FOXF1: variants seen among roughly 807,000 people sequenced by gnomAD.
FOXF1 encodes forkhead box protein F1.
FOXF1 carries 9 observed loss-of-function variants against 26.6 expected under a neutral mutation model. That is an observed-to-expected ratio of 0.34 (90% confidence interval 0.20 to 0.59). The LOEUF (loss-of-function observed/expected upper bound fraction) is 0.59, where lower values mean the gene tolerates loss of function less well. Among genes scored for constraint, FOXF1 ranks in the 20% least tolerant of loss-of-function variants. The pLI, the probability that FOXF1 is intolerant of heterozygous loss-of-function variation, is 0.83. For synonymous variants in FOXF1, 330 were observed against 257.7 expected, an observed-to-expected ratio of 1.28 and a Z score of -2.69; for missense variants, 499 against 549.9, an observed-to-expected ratio of 0.91 and a Z score of 0.93.
chr16:86,511,532 C>T lies in FOXF1; in HGVS notation c.963C>T (p.Ala321=). 1.9e-6 allele frequency: 3 copies of T among 1,587,578 alleles called. No individual in the cohort carries two copies. Among genetic ancestry groups the T allele is most frequent in the Non-Finnish European group, 2.6e-6 (3 of 1,175,152 alleles). The change falls in exon 1 of 2, where the codon GCC becomes GCT. Residue 321 remains alanine, a synonymous_variant. Coordinates refer to ENST00000262426, the MANE Select transcript of FOXF1 (RefSeq NM_001451.3). ...QPYLHQNSHN[A]PAELQGIPRY... ...ATCTGCACCAGAACAGCCACAACGC[C>T]CCAGCCGAGCTGCAAGGTGAGTGGG...
Position 86,511,405 on chromosome 16 carries a change from A to C in FOXF1, c.836A>C (p.Asn279Thr). 6.3e-7 allele frequency: 1 copy of C among 1,591,678 alleles called. No homozygotes were observed. Among genetic ancestry groups the C allele is most frequent in the Non-Finnish European group, 8.5e-7 (1 of 1,176,942 alleles). ...CCGCCCTCGGCGTCCGCGGCGCTCA[A>C]CAGCGGCGCCTCTTATATCAAGCAG... ...AWPPSASAAL[N>T]SGASYIKQQP... is the part of the protein sequence containing the mutation. The change falls in exon 1 of 2, where the codon AAC (asparagine) becomes ACC (threonine). Residue 279 changes from asparagine to threonine, a missense_variant. Asn to Thr is a moderately conservative substitution (Grantham distance 65). This residue lies in a region of FOXF1 where 367 missense variants were observed against 324.8 expected (regional missense o/e 1.13). Coordinates refer to ENST00000262426, the MANE Select transcript of FOXF1 (RefSeq NM_001451.3).
In FOXF1 at chr16:86,510,953, C is replaced by A; in HGVS notation, c.384C>A (p.Ser128Arg). ...KGHYWTIDPA[S>R]EFMFEEGSFR... ...ACTACTGGACCATCGACCCGGCCAG[C>A]GAGTTCATGTTCGAGGAGGGCTCCT... Residue 128 changes from serine to arginine, a missense_variant, in exon 1 of 2, where the codon AGC (serine) becomes AGA (arginine). Transcript: ENST00000262426. 2 of 1,613,756 alleles carry A rather than the reference C, an allele frequency of 1.2e-6. No homozygotes were observed. The highest frequency in any genetic ancestry group is 1.7e-6 in the Non-Finnish European group (2 of 1,180,010).
chr16:86,513,553 T>TA lies in FOXF1; in HGVS notation c.*468_*469insA, dbSNP rs888228469. 9.8e-5 allele frequency: 16 copies of TA among 163,326 alleles called. 1 individual carries two copies. Among genetic ancestry groups the TA allele is most frequent in the East Asian group, 3.5e-4 (2 of 5,764 alleles). The allele number at this position is 163,326 out of a possible 1,614,324, so 10.1% of individuals were successfully genotyped here. A position where few individuals can be genotyped will look rare whatever the true frequency, so the allele number is the denominator to read the frequency against. ...ATTTATCTTTTTATTTTTTATTTTT[T>TA]TTTTGAAAGAATGTCTTGGAATGCG... On this transcript the variant is annotated 3_prime_UTR_variant, in exon 2 of 2. Transcript: ENST00000262426.
rs1969614699 is a variant in FOXF1, at chr16:86,514,331, T to C, written c.*1246T>C. 1 of 152,054 alleles carries C rather than the reference T, an allele frequency of 6.6e-6. No individual in the cohort carries two copies. Among genetic ancestry groups the C allele is most frequent in the African/African-American group, 2.4e-5 (1 of 41,424 alleles). 9.4% of individuals were successfully genotyped at this position (152,054 alleles called of 1,614,324 possible). A position where few individuals can be genotyped will look rare whatever the true frequency, so the allele number is the denominator to read the frequency against. ...ATTTGAAATTTCCTTCTGCACTGTATAAAAGGACCATTTGAGGATGTTTTG... is the reference window on the plus strand; with the variant it reads ...ATTTGAAATTTCCTTCTGCACTGTACAAAAGGACCATTTGAGGATGTTTTG... On this transcript the variant is annotated 3_prime_UTR_variant, in exon 2 of 2. Coordinates refer to ENST00000262426, the MANE Select transcript of FOXF1 (RefSeq NM_001451.3).
chr16:86,513,430 C>T lies in FOXF1; in HGVS notation c.*345C>T. 1 of 298,894 alleles carries T rather than the reference C, an allele frequency of 3.3e-6. No individual in the cohort carries two copies. The highest frequency in any genetic ancestry group is 6.2e-6 in the Non-Finnish European group (1 of 160,050). 18.5% of individuals were successfully genotyped at this position (298,894 alleles called of 1,614,324 possible). ...CACAGGAATTCTGCTGAGGTCCCCC[C>T]TCCTTCCGGCCAATGGCAGAAGTGG... On this transcript the variant is annotated 3_prime_UTR_variant, in exon 2 of 2. Coordinates refer to ENST00000262426, the MANE Select transcript of FOXF1 (RefSeq NM_001451.3).
At chr16:86,512,757 A>C (rs953741364) in intron 1 of FOXF1, among the ~76,000 whole-genome samples, 168 bp from the exon 2 acceptor site, 5 of 152,006 alleles carry the variant, frequency 3.3e-5, no homozygotes, top group African/African-American at 1.2e-4. Flanking sequence ...TTGGGTGCGC[A>C]GCTGGAAGGC....
rs11392376 is a variant in FOXF1 at position 86,513,394 on chromosome 16, C to CT, written c.*309_*310insT. On this transcript the variant is annotated 3_prime_UTR_variant, in exon 2 of 2. Coordinates refer to ENST00000262426, the MANE Select transcript of FOXF1 (RefSeq NM_001451.3). Reference sequence around the variant, plus strand: ...GAGACGGTGCTGTGCAGGGGAAAGCCCCCGCACCCACACAGGAATTCTGCT... The same window carrying CT: ...GAGACGGTGCTGTGCAGGGGAAAGCCTCCCGCACCCACACAGGAATTCTGCT... 151,727 of 384,598 alleles carry CT rather than the reference C, an allele frequency of 0.39. 35,442 individuals are homozygous for CT. Among genetic ancestry groups the CT allele is most frequent in the African/African-American group, 0.78 (38,436 of 49,028 alleles). The allele number at this position is 384,598 out of a possible 1,614,324, so 23.8% of individuals were successfully genotyped here. A position where few individuals can be genotyped will look rare whatever the true frequency, so the allele number is the denominator to read the frequency against.
rs1266303672 is a variant in FOXF1 at position 86,514,919 on chromosome 16, G to A, written c.*1834G>A. On this transcript the variant is annotated 3_prime_UTR_variant, in exon 2 of 2. Transcript: ENST00000262426. ...AATGAGAGTTTTACTTTGGGTTTCC[G>A]ACTTTCTTGTTCTCTTGCTGTAGCT... 2 of 151,912 alleles carry A rather than the reference G, an allele frequency of 1.3e-5. No individual in the cohort carries two copies. Among genetic ancestry groups the A allele is most frequent in the East Asian group, 1.9e-4 (1 of 5,186 alleles). 9.4% of individuals were successfully genotyped at this position (151,912 alleles called of 1,614,324 possible). A position where few individuals can be genotyped will look rare whatever the true frequency, so the allele number is the denominator to read the frequency against.
In FOXF1 at chr16:86,513,228, G is replaced by A; in HGVS notation, c.*143G>A. 2.5e-6 allele frequency: 2 copies of A among 801,644 alleles called. No individual in the cohort carries two copies. The highest frequency in any genetic ancestry group is 4.0e-6 in the Non-Finnish European group (2 of 501,128). 49.7% of individuals were successfully genotyped at this position (801,644 alleles called of 1,614,324 possible). ...CTCCCCAACCGGAGTTTTTGGCAAG[G>A]AGTCCCCAATGCAAAGACACAGCGC... On this transcript the variant is annotated 3_prime_UTR_variant, in exon 2 of 2. Transcript: ENST00000262426.
At position 86,514,855 on chromosome 16, in the gene FOXF1, C is replaced by T. The variant is rs761024334; in HGVS notation, c.*1770C>T. The T allele has an allele frequency of 7.2e-5, 11 of 151,894 alleles. No individual in the cohort carries two copies. The highest frequency in any genetic ancestry group is 8.8e-5 in the Non-Finnish European group (6 of 67,986). 9.4% of individuals were successfully genotyped at this position (151,894 alleles called of 1,614,324 possible). Reference sequence around the variant, plus strand: ...TATATGTACATATATGTATACGTGTCCATGTACATAATATATATTTTTTTG... The same window carrying T: ...TATATGTACATATATGTATACGTGTTCATGTACATAATATATATTTTTTTG... On this transcript the variant is annotated 3_prime_UTR_variant, in exon 2 of 2. Transcript: ENST00000262426.
intron 1 of FOXF1, 22 bp downstream of exon 1, chr16:86,511,570 G>A (rs1307138266): frequency 6.4e-7 from 1 of 1,568,308 alleles, no homozygotes; most frequent in Non-Finnish European, 8.6e-7. Flanking sequence ...GGCCGAGGGC[G>A]CCCTGGTCCC....
chr16:86,513,168 G>C lies in FOXF1; in HGVS notation c.*83G>C. The C allele has an allele frequency of 3.4e-6, 5 of 1,465,828 alleles. No individual in the cohort carries two copies. The highest frequency in any genetic ancestry group is 4.7e-6 in the Non-Finnish European group (5 of 1,066,716). 90.8% of individuals were successfully genotyped at this position (1,465,828 alleles called of 1,614,324 possible). ...GCACAAGAAACTGCTTTCTTCTCGA[G>C]GTATAACCGTCGGCAGAAGAAAAGG... On this transcript the variant is annotated 3_prime_UTR_variant, in exon 2 of 2. Coordinates refer to ENST00000262426, the MANE Select transcript of FOXF1 (RefSeq NM_001451.3).
rs773371798 is a variant in FOXF1, at chr16:86,513,974, G to A, written c.*889G>A. On this transcript the variant is annotated 3_prime_UTR_variant, in exon 2 of 2. Coordinates refer to ENST00000262426, the MANE Select transcript of FOXF1 (RefSeq NM_001451.3). ...GACTAGGACGGCCCGGTGACCGCGC[G>A]GATTCAGGATTGCGGGGACGCAGAA... 11 of 152,254 alleles carry A rather than the reference G, an allele frequency of 7.2e-5. No individual in the cohort carries two copies. The highest frequency in any genetic ancestry group is 2.1e-4 in the South Asian group (1 of 4,832). 9.4% of individuals were successfully genotyped at this position (152,254 alleles called of 1,614,324 possible).
rs888897291 is a variant in FOXF1 at position 86,514,073 on chromosome 16, A to G, written c.*988A>G. The G allele has an allele frequency of 6.6e-6, 1 of 152,184 alleles. No individual in the cohort carries two copies. Among genetic ancestry groups the G allele is most frequent in the African/African-American group, 2.4e-5 (1 of 41,438 alleles). The allele number at this position is 152,184 out of a possible 1,614,324, so 9.4% of individuals were successfully genotyped here. On this transcript the variant is annotated 3_prime_UTR_variant, in exon 2 of 2. Coordinates refer to ENST00000262426, the MANE Select transcript of FOXF1 (RefSeq NM_001451.3). The stretch of plus-strand genomic sequence containing the variant: ...CTACTTTCTTTCCCTAATAATCAAA[A>G]CACCGCGTAGGCTCCTCCGTTTATC...
At position 86,511,234 on chromosome 16, in the gene FOXF1, A is replaced by G; in HGVS notation, c.665A>G (p.His222Arg). 2 of 1,530,394 alleles carry G rather than the reference A, an allele frequency of 1.3e-6. No homozygotes were observed. The highest frequency in any genetic ancestry group is 1.2e-5 in the South Asian group (1 of 83,794). The allele number at this position is 1,530,394 out of a possible 1,614,324, so 94.8% of individuals were successfully genotyped here. Residue 222 changes from histidine (H) to arginine (R), a missense_variant, in exon 1 of 2, where the codon CAC becomes CGC. By Grantham distance (29) the His-to-Arg change is conservative. Coordinates refer to ENST00000262426, the MANE Select transcript of FOXF1 (RefSeq NM_001451.3). ...CCCCACCTGCCTTCCAACGGCGGCC[A>G]CTCGTACATGGGCGGCTGCGGCGGC... ...SVPHLPSNGG[H>R]SYMGGCGGAA...
chr16:86,512,949 C>CGCCCA lies in FOXF1; in HGVS notation c.1007_1011dup (p.Met338ProfsTer43). 2.5e-6 allele frequency: 4 copies of CGCCCA among 1,614,164 alleles called. No individual in the cohort carries two copies. Among genetic ancestry groups the CGCCCA allele is most frequent in the Non-Finnish European group, 3.4e-6 (4 of 1,180,046 alleles). ...GGCATCCCGCGGTATCACTCGCAGT[C>CGCCCA]GCCCAGCATGTGTGACCGAAAGGAG... On this transcript the variant is annotated frameshift_variant, in exon 2 of 2. Coordinates refer to ENST00000262426, the MANE Select transcript of FOXF1 (RefSeq NM_001451.3). LOFTEE classifies it high-confidence loss of function.
rs1243175466 is a variant in FOXF1, at chr16:86,514,825, A to G, written c.*1740A>G. On this transcript the variant is annotated 3_prime_UTR_variant, in exon 2 of 2. Transcript: ENST00000262426. ...CATATGGATATACATATATATGTAT[A>G]TACATATATGTACATATATGTATAC... 6.6e-6 allele frequency: 1 copy of G among 151,404 alleles called. No individual in the cohort carries two copies. The highest frequency in any genetic ancestry group is 1.5e-5 in the Non-Finnish European group (1 of 67,626). The allele number at this position is 151,404 out of a possible 1,614,324, so 9.4% of individuals were successfully genotyped here.
chr16:86,511,707 C>T (rs892592741), intron 1 of FOXF1, among the ~76,000 whole-genome samples, 159 bp downstream of exon 1: 1 of 152,208 alleles, frequency 6.6e-6, no homozygotes. Context: ...ACCTCTCCCC[C>T]TTCGAAGAGT....
Position 86,510,788 on chromosome 16 carries a change from G to A in FOXF1, c.219G>A (p.Glu73=). ...SSPTKRLTLS[E]IYQFLQSRFP... is the part of the protein sequence containing the mutation. ...CCACCAAGCGCCTGACGCTGAGCGA[G>A]ATCTACCAGTTCCTGCAGAGCCGCT... is the stretch of plus-strand genomic sequence containing the variant. The change falls in exon 1 of 2, where the codon GAG becomes GAA. Residue 73 remains glutamate, a synonymous_variant. Coordinates refer to ENST00000262426, the MANE Select transcript of FOXF1 (RefSeq NM_001451.3). 3 of 1,614,182 alleles carry A rather than the reference G, an allele frequency of 1.9e-6. No individual in the cohort carries two copies. Among genetic ancestry groups the A allele is most frequent in the Non-Finnish European group, 2.5e-6 (3 of 1,180,028 alleles).
Sources: gnomAD v4.1 joint callset for allele counts (sites outside exome capture counted in the v4.1 genomes callset) on GRCh38, gnomAD v4.1.1 for gene constraint, gnomAD v4.1.1 regional missense constraint, MANE v1.5 for transcripts, NCBI Gene and HGNC (gene_info 2026-07-23, HGNC 2026-07-21) for gene names.